Variants in LGSN observed in about 807,000 individuals in gnomAD.
LGSN encodes the protein lengsin.
Under a neutral mutation model 19.5 loss-of-function variants are expected in LGSN, and 21 were observed. The ratio of observed to expected loss-of-function variants is 1.07; its 90% CI spans 0.76 to 1.55. The LOEUF (loss-of-function observed/expected upper bound fraction) is 1.55, where lower values mean the gene tolerates loss of function less well. LGSN is among the 40% of genes most tolerant of loss of function. The pLI is 0.00. For missense variants in LGSN, 673 were observed against 608.5 expected (o/e 1.11, Z -1.12); for synonymous variants, 257 against 215.6 (o/e 1.19, Z -1.68).
chr6:63,287,387 A>G (rs1767581321), intron 2 of LGSN, among the ~76,000 whole-genome samples: 1 of 152,198 alleles, frequency 6.6e-6, no homozygotes, highest in South Asian at 2.1e-4. Context: ...CAAAATGTAT[A>G]GGCATTTTAA....
At chr6:63,350,100 G>T in the LGSN span, among the ~76,000 whole-genome samples, 1 of 152,172 alleles carries the variant, frequency 6.6e-6, no homozygotes, top group Non-Finnish European at 1.5e-5. Flanking sequence ...ATTAAGGTTG[G>T]TGCAGAAGTA....
At chr6:63,538,551 T>C in the LGSN span, among the ~76,000 whole-genome samples, 2 of 152,184 alleles carry the variant, frequency 1.3e-5, no homozygotes, top group African/African-American at 4.8e-5. Flanking sequence ...AAATAATTAA[T>C]AGGATTTTGA....
the LGSN span, among the ~76,000 whole-genome samples, chr6:63,547,982 T>C: frequency 6.6e-6 from 1 of 152,208 alleles, no homozygotes; most frequent in African/African-American, 2.4e-5. Context: ...TAGTATGGAA[T>C]ATAAATTCTT....
At chr6:63,514,050 T>C in the LGSN span, among the ~76,000 whole-genome samples, 1 of 152,032 alleles carries the variant, frequency 6.6e-6, no homozygotes, top group South Asian at 2.1e-4. Context: ...ATAAAATAAT[T>C]AGCGAAAAAT....
intron 1 of LGSN, among the ~76,000 whole-genome samples, chr6:63,295,779 C>G (rs1767959575): frequency 6.6e-6 from 1 of 152,092 alleles, no homozygotes; most frequent in African/African-American, 2.4e-5. Context: ...GCTCAGGAAT[C>G]TCAGCACTAA....
intron 3 of LGSN, among the ~76,000 whole-genome samples, chr6:63,283,470 C>T (rs2459572): frequency 0.63 from 96,072 of 151,856 alleles, 31,036 homozygotes; most frequent in Admixed American, 0.72. Context: ...AGATCAGATA[C>T]AGAAAAAGCC....
the LGSN span, among the ~76,000 whole-genome samples, chr6:63,563,025 T>C: frequency 2.0e-5 from 3 of 152,334 alleles, no homozygotes; most frequent in East Asian, 3.9e-4. Context: ...TTCTCCATTT[T>C]ATTTCCATAT....
At chr6:63,308,008 G>A (rs1320564746) in intron 1 of LGSN, among the ~76,000 whole-genome samples, 1 of 152,182 alleles carries the variant, frequency 6.6e-6, no homozygotes, top group East Asian at 1.9e-4. Context: ...CTTCAGATAG[G>A]CTAACCTTAA....
chr6:63,551,056 G>A, the LGSN span, among the ~76,000 whole-genome samples: 1 of 151,938 alleles, frequency 6.6e-6, no homozygotes, highest in Admixed American at 6.6e-5. Flanking sequence ...ACAAGCCACT[G>A]TGGGTAATTT....
At chr6:63,499,587 C>G in the LGSN span, among the ~76,000 whole-genome samples, 1 of 152,002 alleles carries the variant, frequency 6.6e-6, no homozygotes, top group Non-Finnish European at 1.5e-5. Flanking sequence ...TAGTTCTTTC[C>G]TGCTTCAGGT....
At chr6:63,371,118 T>G in the LGSN span, among the ~76,000 whole-genome samples, 1 of 152,230 alleles carries the variant, frequency 6.6e-6, no homozygotes, top group Non-Finnish European at 1.5e-5. Flanking sequence ...CTCTTTCCCT[T>G]TCAGCAAAGC....
At chr6:63,322,261 T>C (rs188426435), upstream of LGSN, among the ~76,000 whole-genome samples, 34 of 152,318 alleles carry the variant, frequency 2.2e-4, no homozygotes, top group African/African-American at 7.5e-4. Flanking sequence ...TATGTTACAG[T>C]ACAGTGTATA....
At chr6:63,405,882 C>T in the LGSN span, among the ~76,000 whole-genome samples, 1 of 152,088 alleles carries the variant, frequency 6.6e-6, no homozygotes, top group Non-Finnish European at 1.5e-5. Flanking sequence ...CAATCCTAGT[C>T]TCTGATAAAA....
At chr6:63,572,975 C>T in the LGSN span, among the ~76,000 whole-genome samples, 1 of 152,142 alleles carries the variant, frequency 6.6e-6, no homozygotes, top group Non-Finnish European at 1.5e-5. Flanking sequence ...TTTTGAGTCC[C>T]TCCCGAGCCC....
At chr6:63,398,425 T>C in the LGSN span, among the ~76,000 whole-genome samples, 1 of 152,040 alleles carries the variant, frequency 6.6e-6, no homozygotes, top group Non-Finnish European at 1.5e-5. Flanking sequence ...TACTTATGTC[T>C]TAGTTTTTAA....
At chr6:63,559,797 A>G in the LGSN span, among the ~76,000 whole-genome samples, 1 of 152,026 alleles carries the variant, frequency 6.6e-6, no homozygotes, top group Non-Finnish European at 1.5e-5. Flanking sequence ...GTTCATGCAT[A>G]TAATACTAGC....
chr6:63,305,406 G>A (rs1158779672), intron 1 of LGSN, among the ~76,000 whole-genome samples: 1 of 152,118 alleles, frequency 6.6e-6, no homozygotes, highest in African/African-American at 2.4e-5. Flanking sequence ...TGACCCAAAG[G>A]GAGGAATTGT....
the LGSN span, among the ~76,000 whole-genome samples, chr6:63,336,200 CAAT>C: frequency 3.8e-3 from 585 of 152,066 alleles, 6 homozygotes; most frequent in East Asian, 0.017. Flanking sequence ...AAGTTAACAA[CAAT>C]GTTTTGTATT....
At chr6:63,391,677 A>G in the LGSN span, among the ~76,000 whole-genome samples, 2 of 152,190 alleles carry the variant, frequency 1.3e-5, no homozygotes, top group Non-Finnish European at 2.9e-5. Flanking sequence ...TCAACATCCA[A>G]TATTGACCAT....
Sources: gnomAD v4.1 joint callset for allele counts (sites outside exome capture counted in the v4.1 genomes callset) on GRCh38, gnomAD v4.1.1 for gene constraint, MANE v1.5 for transcripts, NCBI Gene and HGNC (gene_info 2026-07-23, HGNC 2026-07-21) for gene names.